The following CDC42SE2 variants were observed in gnomAD, a reference collection of about 807,000 sequenced individuals.
CDC42SE2 encodes CDC42 small effector 2, also known as CDC42 small effector protein 2.
In CDC42SE2, 3 loss-of-function variants were observed where a neutral mutation model predicts 11.5. The observed-to-expected ratio is 0.26, with a 90% CI of 0.12 to 0.67. CDC42SE2 has a LOEUF of 0.67. Among genes scored for constraint, CDC42SE2 ranks in the 30% least tolerant of loss-of-function variants. CDC42SE2 has a pLI of 0.80. For missense variants in CDC42SE2, 82 were observed against 106.8 expected (o/e 0.77, Z 1.02); for synonymous variants, 33 against 34.8 (o/e 0.95, Z 0.18).
intron 3 of CDC42SE2, among the ~76,000 whole-genome samples, chr5:131,366,182 T>G (rs1205047048): frequency 6.6e-6 from 1 of 152,198 alleles, no homozygotes; most frequent in African/African-American, 2.4e-5. Flanking sequence ...TGTAATGTAG[T>G]GGATGGTATT....
At chr5:131,309,062 G>A (rs968353970) in intron 1 of CDC42SE2, among the ~76,000 whole-genome samples, 30 of 151,790 alleles carry the variant, frequency 2.0e-4, no homozygotes, top group Non-Finnish European at 4.1e-4. Flanking sequence ...TGCCCATTCA[G>A]TATGATATTG....
chr5:131,249,864 C>T (rs1756626412), intron 1 of CDC42SE2, among the ~76,000 whole-genome samples: 1 of 151,914 alleles, frequency 6.6e-6, no homozygotes, highest in Non-Finnish European at 1.5e-5. Flanking sequence ...GTCTGGACAA[C>T]AGAGTGAGAT....
rs565492820 is a variant in CDC42SE2, at chr5:131,291,443, G to A, written c.-454-24533G>A. On this transcript the variant is annotated intron_variant, in intron 1 of 4. Transcript: ENST00000505065. ...CTATCCACTCGGAATTGAAAACTAC[G>A]TTTTTGAAGGATTTGTTTTCACTTT... 1.7e-3 allele frequency among the ~76,000 whole-genome samples: 263 copies of A among 152,052 alleles called. 1 individual carries two copies. Among genetic ancestry groups the A allele is most frequent in the Middle Eastern group, 6.8e-3 (2 of 294 alleles).
At chr5:131,214,100 T>C in the CDC42SE2 span, among the ~76,000 whole-genome samples, 1 of 152,162 alleles carries the variant, frequency 6.6e-6, no homozygotes, top group Admixed American at 6.5e-5. Flanking sequence ...AATATAAAAA[T>C]AATGTATTAG....
the CDC42SE2 span, among the ~76,000 whole-genome samples, chr5:131,221,830 C>A: frequency 6.6e-6 from 1 of 152,136 alleles, no homozygotes. Flanking sequence ...AGTTTTTCCT[C>A]TCCCTTTTCC....
At chr5:131,268,517 A>G (rs569617560) in intron 1 of CDC42SE2, among the ~76,000 whole-genome samples, 3 of 151,024 alleles carry the variant, frequency 2.0e-5, no homozygotes, top group East Asian at 2.0e-4. Flanking sequence ...AAATGGTACA[A>G]TCTTGGCTCA....
chr5:131,324,936 T>C (rs1483256367), intron 2 of CDC42SE2, among the ~76,000 whole-genome samples: 2 of 152,212 alleles, frequency 1.3e-5, no homozygotes, highest in African/African-American at 4.8e-5. Flanking sequence ...AATCAAATGC[T>C]CATATCAGTT....
intron 2 of CDC42SE2, chr5:131,354,727 A>G (rs1372959273): frequency 5.9e-5 from 9 of 152,170 alleles, no homozygotes; most frequent in Non-Finnish European, 1.2e-4. Context: ...CTATTTTGCC[A>G]TTTTAATTCT....
intron 3 of CDC42SE2, among the ~76,000 whole-genome samples, chr5:131,379,973 G>A (rs1348462411): frequency 6.6e-6 from 1 of 151,906 alleles, no homozygotes; most frequent in Non-Finnish European, 1.5e-5. Flanking sequence ...GAGTGCAGTG[G>A]TGTGATCTCG....
chr5:131,384,088 G>A (rs962646203), intron 3 of CDC42SE2, among the ~76,000 whole-genome samples: 7 of 152,298 alleles, frequency 4.6e-5, no homozygotes, highest in Non-Finnish European at 7.3e-5. Context: ...ATAACCGTGT[G>A]CCACGCAGAA....
At chr5:131,256,331 TG>T (rs1196666433) in intron 2 of CDC42SE2, among the ~76,000 whole-genome samples, 44 of 152,174 alleles carry the variant, frequency 2.9e-4, no homozygotes, top group Non-Finnish European at 4.4e-5. Context: ...GGCTTGACAA[TG>T]GAGTGGAAAC....
At chr5:131,279,707 C>T (rs1757198460) in intron 1 of CDC42SE2, among the ~76,000 whole-genome samples, 1 of 152,046 alleles carries the variant, frequency 6.6e-6, no homozygotes, top group South Asian at 2.1e-4. Flanking sequence ...TACCTTCTCC[C>T]CCAGTTCTTT....
At chr5:131,317,207 C>T (rs1219756800) in intron 2 of CDC42SE2, among the ~76,000 whole-genome samples, 2 of 151,970 alleles carry the variant, frequency 1.3e-5, no homozygotes, top group Admixed American at 1.3e-4. Flanking sequence ...CAGTATGTAA[C>T]ACATGTTCAA....
intron 1 of CDC42SE2, among the ~76,000 whole-genome samples, chr5:131,277,916 C>G (rs948694881): frequency 2.0e-5 from 3 of 152,002 alleles, no homozygotes; most frequent in African/African-American, 4.8e-5. Context: ...CTACAATGCC[C>G]GAAACAATAC....
At chr5:131,349,096 T>C (rs1261979533) in intron 2 of CDC42SE2, among the ~76,000 whole-genome samples, 1 of 152,088 alleles carries the variant, frequency 6.6e-6, no homozygotes, top group African/African-American at 2.4e-5. Flanking sequence ...ACTTCATGAC[T>C]AAAACACCAA....
intron 1 of CDC42SE2, among the ~76,000 whole-genome samples, chr5:131,312,362 A>G (rs928024366): frequency 6.6e-6 from 1 of 151,962 alleles, no homozygotes; most frequent in African/African-American, 2.4e-5. Flanking sequence ...TCAGACAGGG[A>G]CATTTAAGTC....
chr5:131,337,211 T>C (rs1758590401), intron 2 of CDC42SE2, among the ~76,000 whole-genome samples: 1 of 152,216 alleles, frequency 6.6e-6, no homozygotes. Context: ...CTGCAGGTCT[T>C]TTGGAGTTTA....
intron 2 of CDC42SE2, among the ~76,000 whole-genome samples, chr5:131,320,220 A>T (rs922067740): frequency 4.8e-5 from 7 of 147,068 alleles, no homozygotes; most frequent in Non-Finnish European, 3.0e-5. Context: ...CCCTGTCTCT[A>T]CTAAAAATAG....
At chr5:131,214,751 G>C in the CDC42SE2 span, among the ~76,000 whole-genome samples, 1 of 152,108 alleles carries the variant, frequency 6.6e-6, no homozygotes, top group Non-Finnish European at 1.5e-5. Context: ...TTGTTCCCTG[G>C]CATTGAGGGC....
Sources: gnomAD v4.1 joint callset for allele counts (sites outside exome capture counted in the v4.1 genomes callset) on GRCh38, gnomAD v4.1.1 for gene constraint, MANE v1.5 for transcripts, NCBI Gene and HGNC (gene_info 2026-07-23, HGNC 2026-07-21) for gene names.